The following PCDHA7 variants were observed in gnomAD, a reference collection of about 807,000 sequenced individuals.
PCDHA7 encodes the protein protocadherin alpha-7.
Under a neutral mutation model 57.2 loss-of-function variants are expected in PCDHA7, and 37 were observed. The ratio of observed to expected loss-of-function variants is 0.65; its 90% CI spans 0.50 to 0.85. PCDHA7 has a LOEUF of 0.85. Ranked by LOEUF, PCDHA7 falls within the 40% of genes least tolerant of loss-of-function variation. The pLI, the probability that PCDHA7 is intolerant of heterozygous loss-of-function variation, is 0.00. For synonymous variants in PCDHA7, 553 were observed against 558.8 expected, an observed-to-expected ratio of 0.99 and a Z score of 0.15; for missense variants, 1,188 against 1,241.8, an observed-to-expected ratio of 0.96 and a Z score of 0.65.
At chr5:140,883,627 G>A (rs781902332) in intron 1 of PCDHA7, 34 of 1,613,816 alleles carry the variant, frequency 2.1e-5, no homozygotes, top group Non-Finnish European at 2.7e-5. Context: ...ACAACGCGCC[G>A]GCGTTCGCGC....
chr5:140,978,845 T>C, intron 1 of PCDHA7, 104 bp from the exon 2 acceptor site: 7 of 1,569,708 alleles, frequency 4.5e-6, no homozygotes, highest in Non-Finnish European at 6.1e-6. Flanking sequence ...AATACTTTTT[T>C]AGATGCCTGG....
rs2150261271 is a variant in PCDHA7 at position 140,836,456 on chromosome 5, C to G, written c.2073C>G (p.Thr691=). ...RASLGIAGPE[T]ELVDVNVYLI... ...CGTTGGGCATTGCAGGCCCAGAGAC[C>G]GAGCTGGTGGATGTCAACGTGTACC... The change falls in exon 1 of 4, where the codon ACC becomes ACG. Residue 691 remains threonine, a synonymous_variant. Transcript: ENST00000525929. 17 of 1,613,808 alleles carry G rather than the reference C, an allele frequency of 1.1e-5. 2 individuals carry two copies. The highest frequency in any genetic ancestry group is 6.6e-5 in the South Asian group (6 of 91,076).
At chr5:140,950,860 G>A (rs529625926) in intron 1 of PCDHA7, among the ~76,000 whole-genome samples, 25 of 151,860 alleles carry the variant, frequency 1.6e-4, no homozygotes, top group African/African-American at 5.8e-4. Context: ...TCATATTCTT[G>A]TATATTCTAT....
At chr5:140,964,174 A>G (rs1187603456) in intron 1 of PCDHA7, among the ~76,000 whole-genome samples, 2 of 152,250 alleles carry the variant, frequency 1.3e-5, no homozygotes, top group African/African-American at 4.8e-5. Flanking sequence ...GAACGAAATC[A>G]TTATAGTGCC....
intron 3 of PCDHA7, among the ~76,000 whole-genome samples, chr5:141,001,642 G>A (rs1399710505): frequency 6.6e-6 from 1 of 152,110 alleles, no homozygotes; most frequent in African/African-American, 2.4e-5. Flanking sequence ...GGGGGTGAAG[G>A]TGTGGGAGAA....
chr5:140,848,561 A>C, intron 1 of PCDHA7: 1 of 1,595,546 alleles, frequency 6.3e-7, no homozygotes. Context: ...TGATCCTCGC[A>C]ATGTGGGTGG....
chr5:140,835,664 G>A lies in PCDHA7; in HGVS notation c.1281G>A (p.Ala427=), dbSNP rs2150241207. 6.2e-7 allele frequency: 1 copy of A among 1,613,934 alleles called. No individual in the cohort carries two copies. The highest frequency in any genetic ancestry group is 8.5e-7 in the Non-Finnish European group (1 of 1,179,882). ...SVSAYELVVT[A]RDGGSPSLWA... ...CCGCCTATGAGCTGGTGGTTACCGC[G>A]CGGGACGGGGGCTCGCCTTCTCTGT... Residue 427 remains alanine, a synonymous_variant, in exon 1 of 4, where the codon GCG becomes GCA. Coordinates refer to ENST00000525929, the MANE Select transcript of PCDHA7 (RefSeq NM_018910.3).
chr5:140,978,506 C>T (rs914101151), intron 1 of PCDHA7, among the ~76,000 whole-genome samples: 22 of 152,244 alleles, frequency 1.4e-4, no homozygotes, highest in African/African-American at 4.1e-4. Context: ...GATTGCAGTC[C>T]TCTGCAGTCC....
At chr5:140,843,497 C>G (rs1229435401) in intron 1 of PCDHA7, 5 of 1,596,022 alleles carry the variant, frequency 3.1e-6, no homozygotes, top group Non-Finnish European at 4.3e-6. Context: ...GTGCTCAGCA[C>G]TGCCCACTGA....
Position 140,953,715 on chromosome 5 carries a change from A to T in PCDHA7, c.2356-25234A>T, listed in dbSNP as rs535385036. Among the ~76,000 whole-genome samples the T allele has an allele frequency of 2.6e-5, 4 of 152,312 alleles. No homozygotes were observed. The South Asian group carries it at 6.2e-4, about 24-fold the overall frequency. On this transcript the variant is annotated intron_variant, in intron 1 of 3. Transcript: ENST00000525929. ...TGATCTACTAGACTGAGCTTCAGAC[A>T]TTGTGTTTTGAAATTTTTGCTTAAC...
chr5:140,999,786 G>A (rs1050666056), intron 3 of PCDHA7, among the ~76,000 whole-genome samples: 4 of 152,120 alleles, frequency 2.6e-5, no homozygotes, highest in African/African-American at 9.7e-5. Flanking sequence ...CCTAGAAATG[G>A]CAGAGTTATT....
In PCDHA7 at chr5:141,010,994, G is replaced by A. The variant is rs1338532762; in HGVS notation, c.*1057G>A. ...TTTAAGAGAATTGCCTGAAACATCTGTATTATATCGGCCACCTGCCAATCA... is the reference window on the plus strand; with the variant it reads ...TTTAAGAGAATTGCCTGAAACATCTATATTATATCGGCCACCTGCCAATCA... On this transcript the variant is annotated 3_prime_UTR_variant, in exon 4 of 4. Transcript: ENST00000525929. The A allele has an allele frequency of 6.5e-6, 1 of 153,710 alleles. No homozygotes were observed. The highest frequency in any genetic ancestry group is 1.5e-5 in the Non-Finnish European group (1 of 68,046). The allele number at this position is 153,710 out of a possible 1,614,324, so 9.5% of individuals were successfully genotyped here.
rs782157769 is a variant in PCDHA7, at chr5:140,877,409, G to T, written c.2355+40671G>T. On this transcript the variant is annotated intron_variant, in intron 1 of 3. Coordinates refer to ENST00000525929, the MANE Select transcript of PCDHA7 (RefSeq NM_018910.3). ...GATGAGGCGGACGCTCCGCGCCACC[G>T]CCTGCTGGTGCTGGTGAAGGACCAC... 11 of 1,613,802 alleles carry T rather than the reference G, an allele frequency of 6.8e-6. No homozygotes were observed. The African/African-American group carries it at 1.3e-4, about 20-fold the overall frequency.
chr5:140,911,147 C>T (rs978714342), intron 1 of PCDHA7, among the ~76,000 whole-genome samples: 6 of 152,218 alleles, frequency 3.9e-5, no homozygotes, highest in Non-Finnish European at 8.8e-5. Context: ...GGTTTTTCTC[C>T]TCAGACAAAT....
intron 1 of PCDHA7, chr5:140,866,780 G>C (rs1327991487): frequency 6.6e-6 from 1 of 152,092 alleles, no homozygotes; most frequent in Admixed American, 6.6e-5. Flanking sequence ...TGTATGTCCT[G>C]ACTGATATAG....
At chr5:140,955,043 T>C (rs1285355120) in intron 1 of PCDHA7, among the ~76,000 whole-genome samples, 1 of 152,176 alleles carries the variant, frequency 6.6e-6, no homozygotes, top group Non-Finnish European at 1.5e-5. Context: ...CTTTTCCTCA[T>C]TGCTTGTTTT....
chr5:140,927,734 G>A, intron 1 of PCDHA7: 1 of 1,614,196 alleles, frequency 6.2e-7, no homozygotes, highest in Non-Finnish European at 8.5e-7. Context: ...GCAGAGCTGC[G>A]ACACCGCTTT....
At chr5:140,922,856 T>C (rs2081036799) in intron 1 of PCDHA7, among the ~76,000 whole-genome samples, 1 of 152,072 alleles carries the variant, frequency 6.6e-6, no homozygotes, top group Non-Finnish European at 1.5e-5. Context: ...ACCAAATACA[T>C]AGACAAGGGG....
chr5:140,890,870 T>A (rs1217710440), intron 1 of PCDHA7, among the ~76,000 whole-genome samples: 1 of 152,226 alleles, frequency 6.6e-6, no homozygotes, highest in Non-Finnish European at 1.5e-5. Flanking sequence ...CTTGCCCCTC[T>A]GACCTTTCAT....
Sources: allele counts gnomAD v4.1 joint callset (sites outside exome capture counted in the v4.1 genomes callset), GRCh38; gene constraint gnomAD v4.1.1; transcripts MANE v1.5; gene names NCBI Gene and HGNC (gene_info 2026-07-23, HGNC 2026-07-21).